HDHD2: variants seen among roughly 807,000 people sequenced by gnomAD.
The protein encoded by HDHD2 is haloacid dehalogenase-like hydrolase domain-containing protein 2.
Under a neutral mutation model 24.8 loss-of-function variants are expected in HDHD2, and 26 were observed. The observed-to-expected ratio is 1.05, with a 90% CI of 0.77 to 1.45. HDHD2 has a LOEUF of 1.45. Among genes scored for constraint, HDHD2 ranks in the 40% most tolerant of loss-of-function variants. The pLI, the probability that HDHD2 is intolerant of heterozygous loss-of-function variation, is 0.00. For missense variants in HDHD2, 299 were observed against 313.4 expected, an observed-to-expected ratio of 0.95 and a Z score of 0.35; for synonymous variants, 128 against 114.9, an observed-to-expected ratio of 1.11 and a Z score of -0.73.
intron 1 of HDHD2, 84 bp from the exon 2 acceptor site, chr18:47,136,533 C>A: frequency 1.8e-6 from 2 of 1,128,758 alleles, no homozygotes; most frequent in South Asian, 1.5e-5. Flanking sequence ...AAATATCACT[C>A]ATATCCAGAA....
intron 1 of HDHD2, among the ~76,000 whole-genome samples, chr18:47,145,316 G>A (rs921808037): frequency 7.9e-5 from 12 of 152,138 alleles, no homozygotes; most frequent in African/African-American, 2.2e-4. Context: ...AAGACACTTC[G>A]GCCAAGACCA....
intron 3 of HDHD2, among the ~76,000 whole-genome samples, chr18:47,133,203 T>G (rs2063730092): frequency 6.6e-6 from 1 of 151,352 alleles, no homozygotes; most frequent in Admixed American, 6.6e-5. Context: ...TGTCCATGTG[T>G]TCTCATTGTT....
chr18:47,119,876 G>GT (rs1314381589), intron 4 of HDHD2, among the ~76,000 whole-genome samples: 5 of 152,188 alleles, frequency 3.3e-5, no homozygotes, highest in African/African-American at 1.2e-4. Flanking sequence ...TGGGTGTTGT[G>GT]TTAACAGGCA....
At chr18:47,111,474 A>G in intron 6 of HDHD2, 1 of 983,966 alleles carries the variant, frequency 1.0e-6, no homozygotes, top group Non-Finnish European at 1.2e-6. Context: ...AAAATAAAAC[A>G]GCAAAAGGCA....
intron 2 of HDHD2, 59 bp from the exon 3 acceptor site, chr18:47,134,763 TCTC>T (rs2063747777): frequency 7.3e-7 from 1 of 1,373,796 alleles, no homozygotes; most frequent in Non-Finnish European, 1.0e-6. Context: ...CCCTATAAAA[TCTC>T]CTAATTTGTT....
At chr18:47,121,597 C>T (rs1412625451) in intron 4 of HDHD2, among the ~76,000 whole-genome samples, 1 of 152,168 alleles carries the variant, frequency 6.6e-6, no homozygotes, top group East Asian at 1.9e-4. Context: ...TTGAAAAGTG[C>T]AAATAGATGT....
intron 4 of HDHD2, among the ~76,000 whole-genome samples, chr18:47,117,687 C>A (rs2063568771): frequency 6.6e-6 from 1 of 152,020 alleles, no homozygotes; most frequent in Non-Finnish European, 1.5e-5. Flanking sequence ...TAACTATAAG[C>A]CTATTGGAGG....
intron 1 of HDHD2, among the ~76,000 whole-genome samples, chr18:47,146,718 G>T (rs1345493156): frequency 1.3e-5 from 2 of 152,100 alleles, no homozygotes; most frequent in African/African-American, 4.8e-5. Flanking sequence ...CTACTAGAGG[G>T]TGAAAAAAGC....
intron 1 of HDHD2, among the ~76,000 whole-genome samples, chr18:47,147,044 G>A (rs920170610): frequency 6.6e-6 from 1 of 152,096 alleles, no homozygotes; most frequent in Non-Finnish European, 1.5e-5. Context: ...TAAAAAATGA[G>A]TCTTATATTT....
intron 4 of HDHD2, among the ~76,000 whole-genome samples, chr18:47,120,627 T>G (rs973528776): frequency 2.6e-5 from 4 of 152,214 alleles, no homozygotes; most frequent in African/African-American, 9.7e-5. Flanking sequence ...ATTCAAAACT[T>G]GGCTATTTGG....
At chr18:47,148,171 AG>A (rs2063892587) in intron 1 of HDHD2, among the ~76,000 whole-genome samples, 1 of 151,950 alleles carries the variant, frequency 6.6e-6, no homozygotes, top group African/African-American at 2.4e-5. Flanking sequence ...TTGTACTTTT[AG>A]TAGAGACGGG....
intron 4 of HDHD2, among the ~76,000 whole-genome samples, chr18:47,119,064 T>C (rs2063581199): frequency 6.6e-6 from 1 of 152,224 alleles, no homozygotes; most frequent in African/African-American, 2.4e-5. Context: ...AAAAATACTT[T>C]ATTGCTGAAA....
intron 1 of HDHD2, among the ~76,000 whole-genome samples, chr18:47,138,496 G>A (rs1005363118): frequency 9.2e-5 from 14 of 152,176 alleles, no homozygotes; most frequent in Non-Finnish European, 2.1e-4. Flanking sequence ...AAAGCCAATG[G>A]AGCAAGAATT....
rs11390608 is a variant in HDHD2 at position 47,147,990 on chromosome 18, CTTTT to C, written c.-11+2384_-11+2387del. On this transcript the variant is annotated intron_variant, in intron 1 of 6. Transcript: ENST00000300605. ...TTGTCCAAAACTTTGTTTTTTCTTTCTTTTTTTTTTTTTTTGGAGACAAGGTCTG... is the reference window on the plus strand; with the variant it reads ...TTGTCCAAAACTTTGTTTTTTCTTTCTTTTTTTTTTTGGAGACAAGGTCTG... 2.9e-5 allele frequency among the ~76,000 whole-genome samples: 4 copies of C among 137,992 alleles called. No homozygotes were observed. The East Asian group carries it at 8.3e-4, about 29-fold the overall frequency. The allele number at this position is 137,992 out of a possible 152,430, so 90.5% of individuals were successfully genotyped here.
In HDHD2 at chr18:47,134,660, G is replaced by A. The variant is rs1447353165; in HGVS notation, c.146C>T (p.Thr49Ile). Residue 49 changes from threonine (T) to isoleucine (I), a missense_variant, in exon 3 of 7, where the codon ACC becomes ATC. Physicochemically the swap from Thr to Ile is moderately conservative, Grantham distance 89. Transcript: ENST00000300605. ...SVIIRFVTNT[T>I]KESKQDLLER... Reference sequence around the variant, plus strand: ...TAACAGGTCTTGCTTGCTCTCTTTGGTTGTATTGGTCACAAACCTAATGAT... The same window carrying A: ...TAACAGGTCTTGCTTGCTCTCTTTGATTGTATTGGTCACAAACCTAATGAT... 1.2e-6 allele frequency: 2 copies of A among 1,613,942 alleles called. No individual in the cohort carries two copies. The highest frequency in any genetic ancestry group is 8.5e-7 in the Non-Finnish European group (1 of 1,179,998).
intron 5 of HDHD2, among the ~76,000 whole-genome samples, chr18:47,114,752 A>G (rs2063543645): frequency 6.6e-6 from 1 of 152,158 alleles, no homozygotes; most frequent in South Asian, 2.1e-4. Flanking sequence ...TCTTTGGTGT[A>G]GGTTCTCATT....
intron 1 of HDHD2, among the ~76,000 whole-genome samples, chr18:47,143,193 TG>T (rs1373419293): frequency 1.3e-5 from 2 of 152,220 alleles, no homozygotes; most frequent in Non-Finnish European, 2.9e-5. Flanking sequence ...GGCTCGCACC[TG>T]TAATCCCAGC....
chr18:47,149,359 T>C (rs886800849), intron 1 of HDHD2, among the ~76,000 whole-genome samples: 2 of 152,210 alleles, frequency 1.3e-5, no homozygotes, highest in Non-Finnish European at 2.9e-5. Context: ...GTACAAATTT[T>C]CTTTCCTTCC....
chr18:47,130,821 CT>C (rs1422635999), intron 3 of HDHD2, among the ~76,000 whole-genome samples: 1 of 152,174 alleles, frequency 6.6e-6, no homozygotes, highest in Non-Finnish European at 1.5e-5. Flanking sequence ...ATGAAATGCA[CT>C]GCAGAGTCTA....
Sources: gnomAD v4.1 joint callset for allele counts (sites outside exome capture counted in the v4.1 genomes callset) on GRCh38, gnomAD v4.1.1 for gene constraint, MANE v1.5 for transcripts, NCBI Gene and HGNC (gene_info 2026-07-23, HGNC 2026-07-21) for gene names.